DCTN5: variants seen among roughly 807,000 people sequenced by gnomAD.
DCTN5 encodes the protein dynactin subunit 5, also known as dynactin 4.
DCTN5 carries 14 observed loss-of-function variants against 23.5 expected under a neutral mutation model. That is an observed-to-expected ratio of 0.60 (90% CI 0.39 to 0.93). DCTN5 has a LOEUF of 0.93. Among genes scored for constraint, DCTN5 ranks in the 40% least tolerant of loss-of-function variants. The pLI is 0.00. For synonymous variants in DCTN5, 67 were observed against 79.6 expected, an observed-to-expected ratio of 0.84 and a Z score of 0.84; for missense variants, 156 against 225.9, an observed-to-expected ratio of 0.69 and a Z score of 1.98.
At chr16:23,661,354 C>T in intron 4 of DCTN5, 73 bp downstream of exon 4, 1 of 1,090,796 alleles carries the variant, frequency 9.2e-7, no homozygotes, top group Non-Finnish European at 1.4e-6. Context: ...TCGGTGGGAC[C>T]CTGTTTCTGT....
chr16:23,661,853 C>T (rs1277093974), intron 4 of DCTN5, among the ~76,000 whole-genome samples: 2 of 151,874 alleles, frequency 1.3e-5, no homozygotes, highest in African/African-American at 4.8e-5. Context: ...TCATTTAATC[C>T]TTACAACCAT....
chr16:23,666,912 C>G lies in DCTN5; in HGVS notation c.452-135C>G, dbSNP rs539408183. On this transcript the variant is annotated intron_variant, in intron 5 of 5. Coordinates refer to ENST00000300087, the MANE Select transcript of DCTN5 (RefSeq NM_032486.4). Reference sequence around the variant, plus strand: ...TAGCTGTTCTTAGCAAGCACTGGACCAGAACAGCCTCAGCGATTATTTAAG... The same window carrying G: ...TAGCTGTTCTTAGCAAGCACTGGACGAGAACAGCCTCAGCGATTATTTAAG... The G allele has an allele frequency of 1.5e-5, 21 of 1,408,202 alleles. No homozygotes were observed. In the East Asian group the frequency reaches 4.8e-4, roughly 32 times the overall value. The allele number at this position is 1,408,202 out of a possible 1,614,324, so 87.2% of individuals were successfully genotyped here.
intron 5 of DCTN5, chr16:23,666,505 G>A (rs980193115): frequency 6.5e-6 from 1 of 154,054 alleles, no homozygotes; most frequent in African/African-American, 2.4e-5. Context: ...CTGAAAAGCA[G>A]AAGGAAGGAG....
intron 2 of DCTN5, among the ~76,000 whole-genome samples, chr16:23,644,090 A>G (rs1181388187): frequency 6.6e-6 from 1 of 152,014 alleles, no homozygotes; most frequent in Admixed American, 6.5e-5. Flanking sequence ...TGGAAAAGAA[A>G]TATAATTCAG....
Position 23,642,977 on chromosome 16 carries a change from G to T in DCTN5, c.71G>T (p.Arg24Leu). The change falls in exon 2 of 6, where the codon CGC (arginine) becomes CTC (leucine). Residue 24 changes from arginine (R) to leucine (L), a missense_variant. Around this residue, in one of 2 missense-constraint regions of DCTN5, gnomAD observed 153 missense variants for 206.8 expected, o/e 0.74. Coordinates refer to ENST00000300087, the MANE Select transcript of DCTN5 (RefSeq NM_032486.4). ...TAGGCATCTGGGAACAAAGTCAGTCGCCAGTCAGTGTTGTGTGGAAGCCAG... is the reference window on the plus strand; with the variant it reads ...TAGGCATCTGGGAACAAAGTCAGTCTCCAGTCAGTGTTGTGTGGAAGCCAG... ...IETASGNKVS[R>L]QSVLCGSQNI... 3 of 1,614,062 alleles carry T rather than the reference G, an allele frequency of 1.9e-6. No individual in the cohort carries two copies. Among genetic ancestry groups the T allele is most frequent in the Non-Finnish European group, 2.5e-6 (3 of 1,179,976 alleles).
chr16:23,671,632 T>A lies in DCTN5; in HGVS notation c.*4488T>A, dbSNP rs1174228876. ...CTGAGCTGGAATCAAGGCCAGCTCT[T>A]ACTTGGCTGCAAAATCCATGTTTTA... is the stretch of plus-strand genomic sequence containing the variant. On this transcript the variant is annotated 3_prime_UTR_variant, in exon 6 of 6. Coordinates refer to ENST00000300087, the MANE Select transcript of DCTN5 (RefSeq NM_032486.4). 6.6e-6 allele frequency: 1 copy of A among 152,228 alleles called. No homozygotes were observed. The highest frequency in any genetic ancestry group is 1.5e-5 in the Non-Finnish European group (1 of 68,032). The allele number at this position is 152,228 out of a possible 1,614,324, so 9.4% of individuals were successfully genotyped here.
rs183263071 is a variant in DCTN5, at chr16:23,673,569, C to A, written c.*6425C>A. ...GGACGCAGTGGCGTGCGCCTGTAGT[C>A]CCAGCTACTCATCTCTTAAAAAAAA... On this transcript the variant is annotated 3_prime_UTR_variant, in exon 6 of 6. Transcript: ENST00000300087. 3 of 152,320 alleles carry A rather than the reference C, an allele frequency of 2.0e-5. No homozygotes were observed. The East Asian group carries it at 5.8e-4, about 29-fold the overall frequency. The allele number at this position is 152,320 out of a possible 1,614,324, so 9.4% of individuals were successfully genotyped here.
intron 4 of DCTN5, among the ~76,000 whole-genome samples, chr16:23,662,346 G>C (rs1967829852): frequency 6.6e-6 from 1 of 152,200 alleles, no homozygotes; most frequent in South Asian, 2.1e-4. Flanking sequence ...AGCAGAATCT[G>C]TAGGACCCTG....
chr16:23,674,682 G>A lies in DCTN5; in HGVS notation c.*7538G>A, dbSNP rs980269339. ...TCATTGAATAATCAGGACAAAAGGG[G>A]TAGAAGATTATGTAAACACATTTTG... On this transcript the variant is annotated 3_prime_UTR_variant, in exon 6 of 6. Transcript: ENST00000300087. 4 of 152,240 alleles carry A rather than the reference G, an allele frequency of 2.6e-5. No homozygotes were observed. The highest frequency in any genetic ancestry group is 4.8e-5 in the African/African-American group (2 of 41,460). 9.4% of individuals were successfully genotyped at this position (152,240 alleles called of 1,614,324 possible). A position where few individuals can be genotyped will look rare whatever the true frequency, so the allele number is the denominator to read the frequency against.
rs1417519578 is a variant in DCTN5, at chr16:23,677,335, AATCTGGGTGTGGTTT to A, written c.*10193_*10207del. 1.3e-5 allele frequency: 2 copies of A among 152,110 alleles called. No individual in the cohort carries two copies. The highest frequency in any genetic ancestry group is 2.9e-5 in the Non-Finnish European group (2 of 68,036). 9.4% of individuals were successfully genotyped at this position (152,110 alleles called of 1,614,324 possible). ...GGGTGTTTGTCATGTTCCCTTTCTC[AATCTGGGTGTGGTTT>A]ACAGATTTGTTCAGTTTGTGAAAAT... On this transcript the variant is annotated 3_prime_UTR_variant, in exon 6 of 6. Coordinates refer to ENST00000300087, the MANE Select transcript of DCTN5 (RefSeq NM_032486.4).
chr16:23,667,033 C>T lies in DCTN5; in HGVS notation c.452-14C>T, dbSNP rs375808901. The T allele has an allele frequency of 1.2e-5, 19 of 1,613,554 alleles. No individual in the cohort carries two copies. The highest frequency in any genetic ancestry group is 8.3e-5 in the Admixed American group (5 of 59,994). On this transcript the variant is annotated splice_polypyrimidine_tract_variant and intron_variant, in intron 5 of 5. Transcript: ENST00000300087. Reference sequence around the variant, plus strand: ...TTCTTCAAGCTCCTTAGAGCTGGGTCTTTCTTTCCCCAGGACTCTTCTCAG... The same window carrying T: ...TTCTTCAAGCTCCTTAGAGCTGGGTTTTTCTTTCCCCAGGACTCTTCTCAG...
At chr16:23,664,413 C>G (rs537851040) in intron 4 of DCTN5, among the ~76,000 whole-genome samples, 2 of 152,292 alleles carry the variant, frequency 1.3e-5, no homozygotes, top group Admixed American at 1.3e-4. Flanking sequence ...AATTTAAACA[C>G]AAGCAAATCA....
At position 23,642,938 on chromosome 16, in the gene DCTN5, C is replaced by G; in HGVS notation, c.49-17C>G. Reference sequence around the variant, plus strand: ...TATTAAGTTTGCTTTCCCCGGTTTTCCGTTGTTTTCTTTTAGGCATCTGGG... The same window carrying G: ...TATTAAGTTTGCTTTCCCCGGTTTTGCGTTGTTTTCTTTTAGGCATCTGGG... On this transcript the variant is annotated splice_polypyrimidine_tract_variant and intron_variant, in intron 1 of 5. Coordinates refer to ENST00000300087, the MANE Select transcript of DCTN5 (RefSeq NM_032486.4). 1 of 1,613,206 alleles carries G rather than the reference C, an allele frequency of 6.2e-7. No individual in the cohort carries two copies. Among genetic ancestry groups the G allele is most frequent in the South Asian group, 1.1e-5 (1 of 91,076 alleles).
Position 23,668,389 on chromosome 16 carries a change from T to A in DCTN5, c.*1245T>A, listed in dbSNP as rs1395978536. ...TAGAACTCCTTTCTAGTTTGTTATT[T>A]TTAAAATGTTTATACATAAAACCAC... On this transcript the variant is annotated 3_prime_UTR_variant, in exon 6 of 6. Coordinates refer to ENST00000300087, the MANE Select transcript of DCTN5 (RefSeq NM_032486.4). 1 of 152,252 alleles carries A rather than the reference T, an allele frequency of 6.6e-6. No individual in the cohort carries two copies. The highest frequency in any genetic ancestry group is 1.5e-5 in the Non-Finnish European group (1 of 68,042). The allele number at this position is 152,252 out of a possible 1,614,324, so 9.4% of individuals were successfully genotyped here.
chr16:23,650,421 G>A (rs1165422813), intron 2 of DCTN5, among the ~76,000 whole-genome samples: 1 of 151,376 alleles, frequency 6.6e-6, no homozygotes, highest in Non-Finnish European at 1.5e-5. Flanking sequence ...AGGTTCAAGC[G>A]ATTCTCCTGC....
chr16:23,670,756 A>G lies in DCTN5; in HGVS notation c.*3612A>G, dbSNP rs1337410862. On this transcript the variant is annotated 3_prime_UTR_variant, in exon 6 of 6. Coordinates refer to ENST00000300087, the MANE Select transcript of DCTN5 (RefSeq NM_032486.4). ...TCTCGCCAACTTCTACAGTTCCCATAAGTACATGATAACTGAAACACTTCT... is the reference window on the plus strand; with the variant it reads ...TCTCGCCAACTTCTACAGTTCCCATGAGTACATGATAACTGAAACACTTCT... The G allele has an allele frequency of 6.6e-6, 1 of 152,078 alleles. No homozygotes were observed. The highest frequency in any genetic ancestry group is 2.4e-5 in the African/African-American group (1 of 41,360). 9.4% of individuals were successfully genotyped at this position (152,078 alleles called of 1,614,324 possible).
chr16:23,662,719 T>C (rs1567233305), intron 4 of DCTN5, among the ~76,000 whole-genome samples: 1 of 152,182 alleles, frequency 6.6e-6, no homozygotes, highest in Non-Finnish European at 1.5e-5. Flanking sequence ...GTAAAGTTCA[T>C]CTCTCCCCTC....
chr16:23,656,989 C>CAA (rs35192089), intron 2 of DCTN5, among the ~76,000 whole-genome samples: 6,063 of 113,556 alleles, frequency 0.053, 182 homozygotes, highest in Middle Eastern at 0.13. Flanking sequence ...GACTCCATCT[C>CAA]AAAAAAAAAA....
At position 23,661,228 on chromosome 16, in the gene DCTN5, G is replaced by A. The variant is rs750190390; in HGVS notation, c.295G>A (p.Val99Ile). 3.1e-6 allele frequency: 5 copies of A among 1,612,882 alleles called. No homozygotes were observed. The East Asian group carries it at 8.9e-5, about 29-fold the overall frequency. The change falls in exon 4 of 6, where the codon GTC (valine) becomes ATC (isoleucine). Residue 99 changes from valine (V) to isoleucine (I), a missense_variant. Coordinates refer to ENST00000300087, the MANE Select transcript of DCTN5 (RefSeq NM_032486.4). ...DHVFIEEDCV[V>I]NAAQIGSYVH... ...TGTCTTTATTGAGGAAGATTGTGTG[G>A]TCAACGCAGCACAGATTGGTTCCTA...
Sources: allele counts gnomAD v4.1 joint callset (sites outside exome capture counted in the v4.1 genomes callset), GRCh38; gene constraint gnomAD v4.1.1; regional missense constraint gnomAD v4.1.1; transcripts MANE v1.5; gene names NCBI Gene and HGNC (gene_info 2026-07-23, HGNC 2026-07-21).